Variants in C8orf34 observed in about 807,000 individuals in gnomAD.
The protein encoded by C8orf34 is chromosome 8 open reading frame 34.
In C8orf34, 65 loss-of-function variants were observed where a neutral mutation model predicts 68.3. The ratio of observed to expected loss-of-function variants is 0.95; its 90% confidence interval spans 0.78 to 1.17. The LOEUF (loss-of-function observed/expected upper bound fraction) is 1.17, where lower values mean the gene tolerates loss of function less well. Among genes scored for constraint, C8orf34 ranks in the 50% most tolerant of loss-of-function variants. The pLI is 0.00. For missense variants in C8orf34, 664 were observed against 655.4 expected (o/e 1.01, Z -0.14); for synonymous variants, 244 against 241.2 (o/e 1.01, Z -0.11).
chr8:68,530,075 T>C, intron 6 of C8orf34, among the ~76,000 whole-genome samples: 1 of 152,080 alleles, frequency 6.6e-6, no homozygotes, highest in Non-Finnish European at 1.5e-5. Context: ...TTATAAAGTA[T>C]AATATTCTAT....
intron 10 of C8orf34, among the ~76,000 whole-genome samples, chr8:68,739,349 A>C (rs1266969687): frequency 5.9e-5 from 9 of 151,928 alleles, no homozygotes; most frequent in Non-Finnish European, 1.2e-4. Flanking sequence ...CAAACGGATA[A>C]AAGCTGGAAG....
chr8:68,580,051 T>C (rs986353521), intron 7 of C8orf34, among the ~76,000 whole-genome samples: 1 of 152,110 alleles, frequency 6.6e-6, no homozygotes, highest in Non-Finnish European at 1.5e-5. Context: ...ATAGGGGTAT[T>C]ACAATGCAAA....
At position 68,772,843 on chromosome 8, in the gene C8orf34, C is replaced by A. The variant is rs538293871; in HGVS notation, c.1405-3556C>A. ...CTGTCTGTCTTTCTTTTCTTTCTTT[C>A]TCTCTTTCTCTCCTTCCTTCCTTCT... On this transcript the variant is annotated intron_variant, in intron 10 of 13. Transcript: ENST00000518698. Among the ~76,000 whole-genome samples, 233 of 122,924 alleles carry A rather than the reference C, an allele frequency of 1.9e-3. 2 individuals are homozygous for A. Among genetic ancestry groups the A allele is most frequent in the African/African-American group, 6.9e-3 (223 of 32,316 alleles). The allele number at this position is 122,924 out of a possible 152,430, so 80.6% of individuals were successfully genotyped here. A position where few individuals can be genotyped will look rare whatever the true frequency, so the allele number is the denominator to read the frequency against.
chr8:68,474,526 G>GA (rs894664424), intron 4 of C8orf34, among the ~76,000 whole-genome samples: 5 of 150,780 alleles, frequency 3.3e-5, no homozygotes, highest in South Asian at 2.1e-4. Flanking sequence ...CCCTGTGTTA[G>GA]AAAAAAAAAG....
At chr8:68,700,736 A>G (rs1186274184) in intron 8 of C8orf34, among the ~76,000 whole-genome samples, 2 of 152,090 alleles carry the variant, frequency 1.3e-5, no homozygotes, top group African/African-American at 2.4e-5. Context: ...ACTGCCTTTG[A>G]AAGTCCCCCA....
intron 1 of C8orf34, among the ~76,000 whole-genome samples, chr8:68,428,765 A>C (rs1368622946): frequency 1.3e-5 from 2 of 152,156 alleles, no homozygotes; most frequent in Non-Finnish European, 2.9e-5. Context: ...TAGATTAATG[A>C]AACAGGCTAT....
At chr8:68,745,590 C>A (rs955518659) in intron 10 of C8orf34, among the ~76,000 whole-genome samples, 2 of 152,200 alleles carry the variant, frequency 1.3e-5, no homozygotes, top group Middle Eastern at 6.8e-3. Context: ...CAATCCTAGT[C>A]TCTGATAAAA....
At chr8:68,630,754 G>A (rs1313553475) in intron 7 of C8orf34, among the ~76,000 whole-genome samples, 2 of 151,546 alleles carry the variant, frequency 1.3e-5, no homozygotes, top group Admixed American at 6.6e-5. Flanking sequence ...TTATTTAATT[G>A]GTTTTTAATA....
intron 10 of C8orf34, among the ~76,000 whole-genome samples, chr8:68,726,531 G>A (rs1392118329): frequency 1.3e-5 from 2 of 152,190 alleles, no homozygotes; most frequent in African/African-American, 4.8e-5. Context: ...TTGATAAAGT[G>A]TCTGCTGAGC....
At chr8:68,392,859 C>T (rs990528507) in intron 1 of C8orf34, among the ~76,000 whole-genome samples, 9 of 152,008 alleles carry the variant, frequency 5.9e-5, no homozygotes, top group African/African-American at 2.2e-4. Context: ...GTAATAAAGG[C>T]TATGTTTTGG....
At chr8:68,616,837 G>A (rs1818233407) in intron 7 of C8orf34, among the ~76,000 whole-genome samples, 1 of 151,976 alleles carries the variant, frequency 6.6e-6, no homozygotes, top group Non-Finnish European at 1.5e-5. Context: ...TCAATTCCTG[G>A]GTATCCTTGT....
At chr8:68,353,985 A>G (rs1455676761) in intron 1 of C8orf34, among the ~76,000 whole-genome samples, 2 of 152,010 alleles carry the variant, frequency 1.3e-5, no homozygotes, top group East Asian at 3.9e-4. Context: ...GGACAACTGT[A>G]TATATCAAAA....
chr8:68,491,001 T>C (rs1055205129), intron 5 of C8orf34, among the ~76,000 whole-genome samples: 2 of 152,230 alleles, frequency 1.3e-5, no homozygotes, highest in Admixed American at 1.3e-4. Context: ...ACAGTAAATA[T>C]AGCTTCTTCC....
At chr8:68,433,149 A>G (rs1375326965) in intron 1 of C8orf34, among the ~76,000 whole-genome samples, 1 of 152,122 alleles carries the variant, frequency 6.6e-6, no homozygotes, top group East Asian at 1.9e-4. Context: ...GTGGGGGTGA[A>G]TGTTTGGAAG....
At chr8:68,515,973 T>C (rs1313761457) in intron 5 of C8orf34, among the ~76,000 whole-genome samples, 1 of 152,342 alleles carries the variant, frequency 6.6e-6, no homozygotes, top group African/African-American at 2.4e-5. Context: ...TATATTGATG[T>C]GTATAGATCA....
chr8:68,542,697 G>A (rs1815742231), intron 7 of C8orf34, among the ~76,000 whole-genome samples: 1 of 151,968 alleles, frequency 6.6e-6, no homozygotes, highest in Non-Finnish European at 1.5e-5. Flanking sequence ...TCAACTGAGA[G>A]ATAGAAAGTC....
intron 1 of C8orf34, among the ~76,000 whole-genome samples, chr8:68,395,453 G>A (rs1808664053): frequency 6.6e-6 from 1 of 151,712 alleles, no homozygotes; most frequent in Non-Finnish European, 1.5e-5. Context: ...CTGGAATGGG[G>A]CCCCCTGTTT....
intron 3 of C8orf34, among the ~76,000 whole-genome samples, chr8:68,462,493 T>C (rs1811887352): frequency 6.6e-6 from 1 of 151,720 alleles, no homozygotes; most frequent in African/African-American, 2.4e-5. Flanking sequence ...TATACATTTT[T>C]TTCAGCACCA....
At chr8:68,337,051 G>A (rs566990115) in intron 1 of C8orf34, among the ~76,000 whole-genome samples, 2 of 152,276 alleles carry the variant, frequency 1.3e-5, no homozygotes, top group South Asian at 4.1e-4. Flanking sequence ...GTAGAAGGAT[G>A]ATGGAATTAG....
Sources: gnomAD v4.1 joint callset for allele counts (sites outside exome capture counted in the v4.1 genomes callset) on GRCh38, gnomAD v4.1.1 for gene constraint, MANE v1.5 for transcripts, NCBI Gene and HGNC (gene_info 2026-07-23, HGNC 2026-07-21) for gene names.